The following COPG2 variants were observed in gnomAD, a reference collection of about 807,000 sequenced individuals.
The protein encoded by COPG2 is coatomer subunit gamma-2.
Under a neutral mutation model 46.3 loss-of-function variants are expected in COPG2, and 37 were observed. The observed-to-expected ratio is 0.80, with a 90% CI of 0.61 to 1.05. The LOEUF is 1.05. COPG2 is among the 50% of genes least tolerant of loss of function. The pLI, the probability that COPG2 is intolerant of heterozygous loss-of-function variation, is 0.00. For missense variants in COPG2, 427 were observed against 387.8 expected, an observed-to-expected ratio of 1.10 and a Z score of -0.85; for synonymous variants, 159 against 129.7, an observed-to-expected ratio of 1.23 and a Z score of -1.53.
chr7:130,613,534 G>A lies in COPG2; in HGVS notation c.492+10C>T, dbSNP rs782216104. 14 of 1,538,790 alleles carry A rather than the reference G, an allele frequency of 9.1e-6. No individual in the cohort carries two copies. The highest frequency in any genetic ancestry group is 1.2e-5 in the Non-Finnish European group (14 of 1,121,062). Reference sequence around the variant, plus strand: ...ATGCTTAAGAACTAGGAAGCTGCTTGTTCACTTACCAGGGAAGATACCAGT... The same window carrying A: ...ATGCTTAAGAACTAGGAAGCTGCTTATTCACTTACCAGGGAAGATACCAGT... On this transcript the variant is annotated intron_variant, in intron 7 of 23. Transcript: ENST00000425248.
intron 7 of COPG2, 60 bp downstream of exon 7, chr7:130,613,484 T>A: frequency 5.2e-6 from 5 of 967,402 alleles, no homozygotes; most frequent in Non-Finnish European, 6.5e-6. Context: ...AGTGATACTT[T>A]GTTTTCGCAA....
At chr7:130,565,835 T>G (rs887162839) in intron 9 of COPG2, among the ~76,000 whole-genome samples, 1 of 151,876 alleles carries the variant, frequency 6.6e-6, no homozygotes, top group Non-Finnish European at 1.5e-5. Flanking sequence ...AATAGCAGAC[T>G]TGCACAGGCA....
chr7:130,574,306 T>C (rs1793966283), intron 9 of COPG2, among the ~76,000 whole-genome samples: 1 of 152,192 alleles, frequency 6.6e-6, no homozygotes, highest in African/African-American at 2.4e-5. Context: ...CTCATGCCTG[T>C]AATCCCAGCA....
At chr7:130,522,059 T>C (rs1271345488) in intron 20 of COPG2, among the ~76,000 whole-genome samples, 4 of 152,032 alleles carry the variant, frequency 2.6e-5, no homozygotes, top group African/African-American at 7.2e-5. Context: ...GGAAATGGAA[T>C]TGAAGGGTGC....
At chr7:130,528,251 G>A (rs1416195421) in intron 20 of COPG2, among the ~76,000 whole-genome samples, 2 of 152,062 alleles carry the variant, frequency 1.3e-5, no homozygotes, top group Non-Finnish European at 2.9e-5. Flanking sequence ...CAAAAGTGCT[G>A]TGGTGACAGG....
Position 130,646,166 on chromosome 7 carries a change from C to T in COPG2, c.323+6703G>A, listed in dbSNP as rs571264023. Among the ~76,000 whole-genome samples the T allele has an allele frequency of 4.9e-4, 74 of 152,336 alleles. 1 individual carries two copies. Among genetic ancestry groups the T allele is most frequent in the African/African-American group, 1.7e-3 (70 of 41,570 alleles). ...GACATCCATTAAATAGTTTGCTCAA[C>T]TTTAATTTTATCAGTCAGAATTGGG... On this transcript the variant is annotated intron_variant, in intron 5 of 23. Coordinates refer to ENST00000425248, the MANE Select transcript of COPG2 (RefSeq NM_012133.6).
chr7:130,636,384 G>C (rs1383039796), intron 5 of COPG2, among the ~76,000 whole-genome samples: 2 of 152,240 alleles, frequency 1.3e-5, no homozygotes, highest in African/African-American at 4.8e-5. Context: ...GAATCTGGGT[G>C]CTCCTGCATT....
chr7:130,568,149 C>A (rs1176743616), intron 9 of COPG2, among the ~76,000 whole-genome samples: 1 of 152,074 alleles, frequency 6.6e-6, no homozygotes, highest in African/African-American at 2.4e-5. Context: ...GTGGTGGATG[C>A]CTGTAGTCCC....
At chr7:130,532,391 C>A (rs1016898140) in intron 20 of COPG2, among the ~76,000 whole-genome samples, 3 of 151,824 alleles carry the variant, frequency 2.0e-5, no homozygotes, top group Non-Finnish European at 2.9e-5. Context: ...AGGGAAGGCG[C>A]AAAGGGGAAT....
At chr7:130,587,265 C>T (rs1281582296) in intron 9 of COPG2, among the ~76,000 whole-genome samples, 1 of 151,810 alleles carries the variant, frequency 6.6e-6, no homozygotes, top group African/African-American at 2.4e-5. Context: ...CGAGATGGCA[C>T]CACTGCACTC....
At chr7:130,604,353 T>C (rs1794691520) in intron 9 of COPG2, among the ~76,000 whole-genome samples, 1 of 152,224 alleles carries the variant, frequency 6.6e-6, no homozygotes, top group South Asian at 2.1e-4. Flanking sequence ...TATGCCTCAT[T>C]TACTTAGGTC....
At chr7:130,594,863 G>A (rs782636578) in intron 9 of COPG2, among the ~76,000 whole-genome samples, 44 of 152,144 alleles carry the variant, frequency 2.9e-4, no homozygotes, top group Non-Finnish European at 5.3e-4. Context: ...GACAGACAAT[G>A]ACAAGTGTTG....
chr7:130,667,364 C>T (rs1554461612), intron 2 of COPG2, 118 bp downstream of exon 2: 1 of 801,076 alleles, frequency 1.2e-6, no homozygotes, highest in African/African-American at 1.7e-5. Flanking sequence ...TCTATATTCC[C>T]TAAACTCTGT....
At chr7:130,538,288 C>T (rs1391251658) in intron 20 of COPG2, among the ~76,000 whole-genome samples, 1 of 151,898 alleles carries the variant, frequency 6.6e-6, no homozygotes, top group Non-Finnish European at 1.5e-5. Context: ...GGAGCAGCCA[C>T]ATGGAGGTGG....
intron 5 of COPG2, among the ~76,000 whole-genome samples, chr7:130,622,296 C>T (rs1554453720): frequency 6.6e-6 from 1 of 152,124 alleles, no homozygotes; most frequent in Non-Finnish European, 1.5e-5. Context: ...AGTATTAATT[C>T]CCCCATACTT....
intron 4 of COPG2, among the ~76,000 whole-genome samples, chr7:130,656,367 A>C (rs782019405): frequency 6.6e-5 from 10 of 152,202 alleles, no homozygotes; most frequent in South Asian, 4.1e-4. Flanking sequence ...CAATTTACCA[A>C]TATCAGAATG....
At chr7:130,655,854 A>G (rs1391930555) in intron 4 of COPG2, among the ~76,000 whole-genome samples, 2 of 152,222 alleles carry the variant, frequency 1.3e-5, no homozygotes, top group African/African-American at 4.8e-5. Context: ...GGGTAAATCC[A>G]GTCCATTTAC....
chr7:130,520,767 CTT>C (rs1799717457), intron 20 of COPG2, among the ~76,000 whole-genome samples: 1 of 152,094 alleles, frequency 6.6e-6, no homozygotes, highest in African/African-American at 2.4e-5. Context: ...CAAAAAACTT[CTT>C]GTTTTTATAT....
At chr7:130,605,638 T>C in intron 9 of COPG2, 8 of 475,048 alleles carry the variant, frequency 1.7e-5, no homozygotes, top group South Asian at 1.1e-4. Context: ...AGGCACAGAC[T>C]AACCTCCAGC....
Sources: allele counts gnomAD v4.1 joint callset (sites outside exome capture counted in the v4.1 genomes callset), GRCh38; gene constraint gnomAD v4.1.1; transcripts MANE v1.5; gene names NCBI Gene and HGNC (gene_info 2026-07-23, HGNC 2026-07-21).